Variants in PLA2G5 observed in about 807,000 individuals in gnomAD.
PLA2G5 encodes the protein phospholipase A2 group V.
Under a neutral mutation model 15.9 loss-of-function variants are expected in PLA2G5, and 12 were observed. That is an observed-to-expected ratio of 0.76 (90% confidence interval 0.48 to 1.23). The LOEUF (loss-of-function observed/expected upper bound fraction) is 1.23. Among genes scored for constraint, PLA2G5 ranks in the 50% most tolerant of loss-of-function variants. The pLI is 0.00. For synonymous variants in PLA2G5, 71 were observed against 71.4 expected (o/e 0.99, Z 0.03); for missense variants, 169 against 177.1 (o/e 0.95, Z 0.26).
chr1:20,087,362 A>G (rs2100632349), intron 3 of PLA2G5, among the ~76,000 whole-genome samples: 1 of 152,240 alleles, frequency 6.6e-6, no homozygotes, highest in South Asian at 2.1e-4. Context: ...CTGATATAAA[A>G]TGGCACAGTA....
chr1:20,061,609 A>T (rs2014737710), intron 2 of PLA2G5, among the ~76,000 whole-genome samples: 1 of 151,396 alleles, frequency 6.6e-6, no homozygotes, highest in Non-Finnish European at 1.5e-5. Context: ...AAAAAAAAAA[A>T]ATCTAAGCAC....
chr1:20,087,480 G>T (rs1001525254), intron 3 of PLA2G5, among the ~76,000 whole-genome samples: 5 of 151,758 alleles, frequency 3.3e-5, no homozygotes, highest in Non-Finnish European at 7.4e-5. Flanking sequence ...TGCAAGCTCC[G>T]CCTCCTGGGT....
intron 1 of PLA2G5, among the ~76,000 whole-genome samples, chr1:20,046,582 C>T (rs1383292212): frequency 6.6e-6 from 1 of 152,196 alleles, no homozygotes; most frequent in Non-Finnish European, 1.5e-5. Context: ...AGGCACCAAT[C>T]ACCCCTTTTG....
At chr1:20,071,749 G>A (rs950527635) in intron 1 of PLA2G5, among the ~76,000 whole-genome samples, 6 of 152,072 alleles carry the variant, frequency 3.9e-5, no homozygotes, top group Non-Finnish European at 2.9e-5. Context: ...CCCATAGCTT[G>A]CTCCTTCACG....
At chr1:20,039,525 G>A (rs1403969877) in intron 1 of PLA2G5, among the ~76,000 whole-genome samples, 1 of 152,172 alleles carries the variant, frequency 6.6e-6, no homozygotes, top group Non-Finnish European at 1.5e-5. Flanking sequence ...ACAAATTGCT[G>A]CTGAGGAATG....
At position 20,032,753 on chromosome 1, in the gene PLA2G5, C is replaced by G. The variant is rs114070262; in HGVS notation, n.276+4044C>G. Among the ~76,000 whole-genome samples, 494 of 152,236 alleles carry G rather than the reference C, an allele frequency of 3.2e-3. 3 individuals carry two copies. Among genetic ancestry groups the G allele is most frequent in the African/African-American group, 0.011 (439 of 41,508 alleles). On this transcript the variant is annotated intron_variant and non_coding_transcript_variant, in intron 1 of 6. Transcript: ENST00000460175. ...ATCCTCCTTCCTGAATGGCATCAGC[C>G]TGGATGAGTGAGGTTTGTTCTTCCT...
At chr1:20,062,100 C>T (rs1348521277) in intron 2 of PLA2G5, among the ~76,000 whole-genome samples, 1 of 152,214 alleles carries the variant, frequency 6.6e-6, no homozygotes, top group Non-Finnish European at 1.5e-5. Context: ...GACTAAGCTT[C>T]CTGAGGCCTC....
intron 1 of PLA2G5, among the ~76,000 whole-genome samples, chr1:20,053,559 G>T (rs528799599): frequency 1.1e-5 from 1 of 91,334 alleles, no homozygotes; most frequent in African/African-American, 4.3e-5. Flanking sequence ...TTTTAATTAT[G>T]TATTACTTTG....
chr1:20,033,698 TG>T (rs2013093392), intron 1 of PLA2G5, among the ~76,000 whole-genome samples: 1 of 152,074 alleles, frequency 6.6e-6, no homozygotes. Flanking sequence ...AGCAAGGCCT[TG>T]GTTAGAATGT....
chr1:20,084,795 G>A lies in PLA2G5; in HGVS notation c.-10-26G>A, dbSNP rs187260606. 844 of 1,553,724 alleles carry A rather than the reference G, an allele frequency of 5.4e-4. 1 individual carries two copies. The highest frequency in any genetic ancestry group is 8.9e-4 in the Admixed American group (53 of 59,770). ...CACGGGGGCATTGCCTGATAGATCT[G>A]TTGTGGGATGTGTTTTTTTTTCCAG... is the stretch of plus-strand genomic sequence containing the variant. On this transcript the variant is annotated intron_variant, in intron 1 of 4. Transcript: ENST00000375108.
chr1:20,044,659 T>C (rs1303610694), intron 1 of PLA2G5, among the ~76,000 whole-genome samples: 1 of 152,012 alleles, frequency 6.6e-6, no homozygotes, highest in East Asian at 1.9e-4. Flanking sequence ...GAGGAAATTG[T>C]TGGGCAGGTG....
chr1:20,042,115 G>C (rs148684128), intron 1 of PLA2G5, among the ~76,000 whole-genome samples: 2 of 152,168 alleles, frequency 1.3e-5, no homozygotes, highest in African/African-American at 4.8e-5. Context: ...GAATATTGAC[G>C]TGTAGTCCTT....
At chr1:20,039,318 T>C (rs1336057499) in intron 1 of PLA2G5, among the ~76,000 whole-genome samples, 1 of 152,232 alleles carries the variant, frequency 6.6e-6, no homozygotes, top group Admixed American at 6.5e-5. Context: ...TCACTGATTC[T>C]AGCCTCTGAG....
intron 1 of PLA2G5, among the ~76,000 whole-genome samples, chr1:20,075,941 G>A (rs2015647520): frequency 6.9e-6 from 1 of 144,364 alleles, no homozygotes; most frequent in African/African-American, 2.6e-5. Flanking sequence ...GCGCAACCTC[G>A]GCTCACTGCA....
chr1:20,068,118 C>CA (rs1321548098), upstream of PLA2G5, among the ~76,000 whole-genome samples: 2 of 150,766 alleles, frequency 1.3e-5, no homozygotes, highest in Non-Finnish European at 3.0e-5. Flanking sequence ...GACTCCGTCT[C>CA]AAAAAAAATA....
intron 1 of PLA2G5, among the ~76,000 whole-genome samples, chr1:20,047,858 C>T (rs895134832): frequency 6.6e-6 from 1 of 152,010 alleles, no homozygotes; most frequent in African/African-American, 2.4e-5. Flanking sequence ...GACTTTTTCT[C>T]TCTGTACCTA....
chr1:20,080,446 G>A (rs2015945333), intron 1 of PLA2G5, among the ~76,000 whole-genome samples: 1 of 152,156 alleles, frequency 6.6e-6, no homozygotes, highest in Admixed American at 6.5e-5. Flanking sequence ...GCCAGGCGTA[G>A]TGGCATGCAC....
intron 2 of PLA2G5, among the ~76,000 whole-genome samples, chr1:20,060,665 A>G (rs1003668753): frequency 2.6e-5 from 4 of 151,856 alleles, no homozygotes; most frequent in Admixed American, 2.6e-4. Context: ...ACAAGTGGCT[A>G]GTGTTAGAAT....
rs1398232408 is a variant in PLA2G5 at position 20,091,356 on chromosome 1, G to A, written c.*664G>A. 1.3e-5 allele frequency among the ~76,000 whole-genome samples: 2 copies of A among 152,174 alleles called. No individual in the cohort carries two copies. The highest frequency in any genetic ancestry group is 2.9e-5 in the Non-Finnish European group (2 of 68,026). On this transcript the variant is annotated 3_prime_UTR_variant, in exon 5 of 5. Coordinates refer to ENST00000375108, the MANE Select transcript of PLA2G5 (RefSeq NM_000929.3). ...TTCTTACACCTTGGGGTCCTCTCCAGTATTGGGTCTCATTCTTCCTCGATG... is the reference window on the plus strand; with the variant it reads ...TTCTTACACCTTGGGGTCCTCTCCAATATTGGGTCTCATTCTTCCTCGATG...
Sources: allele counts gnomAD v4.1 joint callset (sites outside exome capture counted in the v4.1 genomes callset), GRCh38; gene constraint gnomAD v4.1.1; transcripts MANE v1.5; gene names NCBI Gene and HGNC (gene_info 2026-07-23, HGNC 2026-07-21).